The following RSF1 variants were observed in gnomAD, a reference collection of about 807,000 sequenced individuals.
The protein encoded by RSF1 is HBV pX-associated protein 8.
A neutral mutation model predicts 145.2 loss-of-function variants in RSF1; 13 were observed. That is an observed-to-expected ratio of 0.09 (90% CI 0.06 to 0.14). The LOEUF is 0.14. RSF1 is among the 10% of genes least tolerant of loss of function. RSF1 has a pLI of 1.00. For missense variants in RSF1, 1,517 were observed against 1,718.2 expected, an observed-to-expected ratio of 0.88 and a Z score of 2.07; for synonymous variants, 577 against 592.6, an observed-to-expected ratio of 0.97 and a Z score of 0.38.
chr11:77,807,080 A>T (rs1322445095), intron 1 of RSF1, among the ~76,000 whole-genome samples: 2 of 152,232 alleles, frequency 1.3e-5, no homozygotes, highest in African/African-American at 4.8e-5. Flanking sequence ...AAAGAAGGGA[A>T]AAATACATGC....
chr11:77,822,914 G>A (rs920987024), upstream of RSF1, among the ~76,000 whole-genome samples: 15 of 152,030 alleles, frequency 9.9e-5, no homozygotes, highest in African/African-American at 3.4e-4. Context: ...CAATAAAAAA[G>A]CTTTTAAGAA....
intron 8 of RSF1, among the ~76,000 whole-genome samples, chr11:77,692,650 A>G (rs1366802440): frequency 2.0e-5 from 3 of 149,962 alleles, no homozygotes; most frequent in Non-Finnish European, 4.4e-5. Flanking sequence ...AGGAGCTGGG[A>G]CTATACCTAT....
chr11:77,795,357 G>C (rs984877664), intron 1 of RSF1, among the ~76,000 whole-genome samples: 2 of 152,038 alleles, frequency 1.3e-5, no homozygotes, highest in Non-Finnish European at 2.9e-5. Context: ...GAAATCACAT[G>C]AAACAAACAA....
In RSF1 at chr11:77,820,702, C is replaced by CCGCCGT; in HGVS notation, c.7_12dup (p.Thr3_Ala4dup). The CCGCCGT allele has an allele frequency of 2.6e-6, 4 of 1,549,406 alleles. No homozygotes were observed. Among genetic ancestry groups the CCGCCGT allele is most frequent in the Non-Finnish European group, 3.5e-6 (4 of 1,147,520 alleles). On this transcript the variant is annotated inframe_insertion, in exon 1 of 16. Transcript: ENST00000308488. ...GGAGCCATCACCGCCGCCGCTGCCG[C>CCGCCGT]CGCCGTCGCCATTTTGAACTGGAGG...
intron 15 of RSF1, among the ~76,000 whole-genome samples, chr11:77,671,212 CTA>C (rs1238584403): frequency 2.2e-4 from 24 of 106,748 alleles, no homozygotes; most frequent in East Asian, 5.9e-4. Flanking sequence ...TATATATACA[CTA>C]TATATATATA....
the RSF1 span, among the ~76,000 whole-genome samples, chr11:77,834,448 T>TG: frequency 1.7e-4 from 25 of 148,286 alleles, no homozygotes; most frequent in South Asian, 4.1e-3. Flanking sequence ...TTTGTTTTTT[T>TG]TTTTTTTTTT....
At chr11:77,703,614 AACC>A (rs1200617232) in intron 5 of RSF1, 2 of 152,224 alleles carry the variant, frequency 1.3e-5, no homozygotes, top group African/African-American at 4.8e-5. Flanking sequence ...ATGAAAATTT[AACC>A]ACCATTTCTT....
the RSF1 span, chr11:77,842,763 C>T: frequency 2.4e-6 from 3 of 1,258,148 alleles, no homozygotes; most frequent in South Asian, 2.9e-5. Flanking sequence ...ATTAAATTCA[C>T]CCTTTTAAAG....
intron 4 of RSF1, chr11:77,739,155 G>A (rs770805653): frequency 6.6e-6 from 1 of 152,316 alleles, no homozygotes; most frequent in Non-Finnish European, 1.5e-5. Context: ...TAGCCAGGCT[G>A]GTCTCAAACT....
At chr11:77,781,718 T>C (rs759626213) in intron 1 of RSF1, among the ~76,000 whole-genome samples, 1 of 152,238 alleles carries the variant, frequency 6.6e-6, no homozygotes, top group African/African-American at 2.4e-5. Flanking sequence ...ATTGTTCATG[T>C]CTTCTATATT....
At chr11:77,757,489 C>CCA (rs1565171679) in intron 2 of RSF1, among the ~76,000 whole-genome samples, 1 of 151,998 alleles carries the variant, frequency 6.6e-6, no homozygotes, top group African/African-American at 2.4e-5. Flanking sequence ...ACCATCCTGG[C>CCA]CAACATGGTG....
rs1034240548 is a variant in RSF1, at chr11:77,660,630, G to A, written c.*6287C>T. 6.6e-6 allele frequency: 1 copy of A among 151,970 alleles called. No homozygotes were observed. The highest frequency in any genetic ancestry group is 2.4e-5 in the African/African-American group (1 of 41,376). 9.4% of individuals were successfully genotyped at this position (151,970 alleles called of 1,614,324 possible). On this transcript the variant is annotated 3_prime_UTR_variant, in exon 16 of 16. Transcript: ENST00000308488. The stretch of plus-strand genomic sequence containing the variant: ...TAGGAAAATAAAGCATTTCATATAA[G>A]CATGTTGGAAAATTCAAGAGGCATT...
intron 2 of RSF1, among the ~76,000 whole-genome samples, chr11:77,751,629 GC>G (rs1948064876): frequency 6.6e-6 from 1 of 152,166 alleles, no homozygotes; most frequent in South Asian, 2.1e-4. Context: ...TTCCATTAAT[GC>G]TACTTAGAAG....
At chr11:77,755,818 T>A (rs919855017) in intron 2 of RSF1, among the ~76,000 whole-genome samples, 1 of 152,096 alleles carries the variant, frequency 6.6e-6, no homozygotes, top group Non-Finnish European at 1.5e-5. Flanking sequence ...GACCTCGTGA[T>A]CCGCCTGCCC....
At position 77,702,176 on chromosome 11, in the gene RSF1, G is replaced by C; in HGVS notation, c.1053C>G (p.Ile351Met). ...AAGATTTAATATTGCCACCAAATTC[G>C]ATCCTTTCAGGCTCCTGTGCCACTG... ...EKPVAQEPER[I>M]EFGGNIKSSH... The change falls in exon 6 of 16, where the codon ATC (isoleucine) becomes ATG (methionine). Residue 351 changes from isoleucine (I) to methionine (M), a missense_variant. Ile to Met is a conservative substitution (Grantham distance 10). Around this residue, in one of 12 missense-constraint regions of RSF1, gnomAD observed 207 missense variants for 191.4 expected, o/e 1.08. Transcript: ENST00000308488. 6.2e-7 allele frequency: 1 copy of C among 1,613,896 alleles called. No individual in the cohort carries two copies. Among genetic ancestry groups the C allele is most frequent in the Non-Finnish European group, 8.5e-7 (1 of 1,179,942 alleles).
chr11:77,748,538 A>G (rs1030877427), intron 2 of RSF1, among the ~76,000 whole-genome samples: 2 of 152,212 alleles, frequency 1.3e-5, no homozygotes, highest in Non-Finnish European at 2.9e-5. Flanking sequence ...TCAGAGAGAA[A>G]AAAAAGGATA....
chr11:77,781,650 G>GT (rs949077042), intron 1 of RSF1, among the ~76,000 whole-genome samples: 6 of 151,994 alleles, frequency 3.9e-5, no homozygotes, highest in African/African-American at 1.5e-4. Flanking sequence ...TTTAAAGAAT[G>GT]TTTTTTTCTT....
chr11:77,762,017 CTTTTCTTTTCTTTTTT>C (rs1347766820), intron 2 of RSF1: 2 of 74,756 alleles, frequency 2.7e-5, no homozygotes, highest in East Asian at 6.6e-4. Flanking sequence ...GTATTATTTT[CTTTTCTTTTCTTTTTT>C]TTTTTTTTTT....
chr11:77,680,131 T>C (rs1959818329), intron 11 of RSF1, among the ~76,000 whole-genome samples: 2 of 152,060 alleles, frequency 1.3e-5, no homozygotes, highest in Non-Finnish European at 2.9e-5. Flanking sequence ...GGGCACACAA[T>C]GGATTAACAA....
Sources: gnomAD v4.1 joint callset for allele counts (sites outside exome capture counted in the v4.1 genomes callset) on GRCh38, gnomAD v4.1.1 for gene constraint, gnomAD v4.1.1 regional missense constraint, MANE v1.5 for transcripts, NCBI Gene and HGNC (gene_info 2026-07-23, HGNC 2026-07-21) for gene names.